The following RAB20 variants were observed in gnomAD, a reference collection of about 807,000 sequenced individuals.
RAB20 encodes the protein ras-related protein Rab-20.
A neutral mutation model predicts 3.7 loss-of-function variants in RAB20; 2 were observed. The observed-to-expected ratio is 0.54, with a 90% CI of 0.22 to 1.69. The LOEUF is 1.69. RAB20 is among the 40% of genes most tolerant of loss of function. The pLI is 0.19. For synonymous variants in RAB20, 126 were observed against 130.8 expected (o/e 0.96, Z 0.25); for missense variants, 276 against 311.9 (o/e 0.88, Z 0.87).
At chr13:110,558,082 G>A (rs1885069410) in intron 1 of RAB20, among the ~76,000 whole-genome samples, 1 of 152,264 alleles carries the variant, frequency 6.6e-6, no homozygotes, top group Non-Finnish European at 1.5e-5. Flanking sequence ...CCCGGCACCG[G>A]GGAGCCTCAG....
intron 1 of RAB20, among the ~76,000 whole-genome samples, chr13:110,540,982 G>A (rs960865491): frequency 6.6e-6 from 1 of 152,178 alleles, no homozygotes; most frequent in African/African-American, 2.4e-5. Flanking sequence ...TTACCTGGCT[G>A]TTGGGTTAAA....
chr13:110,537,188 G>A (rs182674541), intron 1 of RAB20, among the ~76,000 whole-genome samples: 1 of 151,578 alleles, frequency 6.6e-6, no homozygotes, highest in East Asian at 1.9e-4. Context: ...TACAGATGGG[G>A]TCTCACTATT....
At chr13:110,546,454 T>A (rs1884850339) in intron 1 of RAB20, among the ~76,000 whole-genome samples, 1 of 152,230 alleles carries the variant, frequency 6.6e-6, no homozygotes, top group African/African-American at 2.4e-5. Context: ...TTTCAAGTTA[T>A]GCCATGAGAT....
intron 1 of RAB20, among the ~76,000 whole-genome samples, chr13:110,524,839 C>T (rs1216363693): frequency 2.6e-5 from 4 of 152,224 alleles, no homozygotes; most frequent in South Asian, 2.1e-4. Context: ...TCCCCTCCCA[C>T]GCTGGAATCG....
intron 1 of RAB20, among the ~76,000 whole-genome samples, chr13:110,533,327 G>A (rs11619434): frequency 0.093 from 14,113 of 152,218 alleles, 726 homozygotes; most frequent in Non-Finnish European, 0.11. Flanking sequence ...CATCTCCACA[G>A]GCATGATCTA....
At chr13:110,554,846 T>C (rs1028081999) in intron 1 of RAB20, among the ~76,000 whole-genome samples, 1 of 152,124 alleles carries the variant, frequency 6.6e-6, no homozygotes, top group Non-Finnish European at 1.5e-5. Flanking sequence ...TCACGAGCCT[T>C]TCCTTGAAAA....
At chr13:110,551,943 T>G (rs1479580451) in intron 1 of RAB20, among the ~76,000 whole-genome samples, 1 of 131,974 alleles carries the variant, frequency 7.6e-6, no homozygotes, top group East Asian at 2.3e-4. Flanking sequence ...AATACAAAAA[T>G]TAGCTGGGTG....
chr13:110,525,065 CG>C (rs34134214), intron 1 of RAB20, among the ~76,000 whole-genome samples: 53,900 of 152,136 alleles, frequency 0.35, 10,045 homozygotes, highest in Middle Eastern at 0.44. Flanking sequence ...CTGGGTCTGG[CG>C]GGGAACAGGG....
intron 1 of RAB20, among the ~76,000 whole-genome samples, chr13:110,541,667 G>C (rs1288366856): frequency 2.6e-5 from 4 of 152,222 alleles, no homozygotes; most frequent in African/African-American, 9.7e-5. Flanking sequence ...CTCTGGGCCA[G>C]AGCCCTTCGC....
At chr13:110,553,159 G>T (rs1471183359) in intron 1 of RAB20, among the ~76,000 whole-genome samples, 1 of 152,252 alleles carries the variant, frequency 6.6e-6, no homozygotes, top group African/African-American at 2.4e-5. Context: ...GTCCTCAGTA[G>T]AGGTGACCAT....
At chr13:110,548,032 G>T (rs79797686) in intron 1 of RAB20, among the ~76,000 whole-genome samples, 1 of 152,132 alleles carries the variant, frequency 6.6e-6, no homozygotes, top group Non-Finnish European at 1.5e-5. Flanking sequence ...TCCTTATGCC[G>T]TCAAGGCTCT....
In RAB20 at chr13:110,546,722, TTTTGTTTG is replaced by T. The variant is rs146014154; in HGVS notation, c.172+14618_172+14625del. 5.6e-3 allele frequency among the ~76,000 whole-genome samples: 796 copies of T among 142,862 alleles called. 5 individuals carry two copies. Among genetic ancestry groups the T allele is most frequent in the African/African-American group, 0.016 (622 of 39,280 alleles). 93.7% of individuals were successfully genotyped at this position (142,862 alleles called of 152,430 possible). A position where few individuals can be genotyped will look rare whatever the true frequency, so the allele number is the denominator to read the frequency against. ...TCTGTTTTTTTTTGTTTTTTGGGTT[TTTTGTTTG>T]TTTGTTTGTTTGTTTGTTTGTTTTT... On this transcript the variant is annotated intron_variant, in intron 1 of 1. Transcript: ENST00000267328.
chr13:110,536,816 C>T (rs1172330198), intron 1 of RAB20, among the ~76,000 whole-genome samples: 4 of 140,140 alleles, frequency 2.9e-5, no homozygotes, highest in Non-Finnish European at 4.5e-5. Context: ...GTTCTAGGTA[C>T]ATGTGCACAA....
chr13:110,560,742 C>G (rs993602276), intron 1 of RAB20, among the ~76,000 whole-genome samples: 1 of 149,282 alleles, frequency 6.7e-6, no homozygotes, highest in Non-Finnish European at 1.5e-5. Context: ...CATTACCTAT[C>G]TTAAAAATGC....
intron 1 of RAB20, among the ~76,000 whole-genome samples, chr13:110,556,855 AATTT>A (rs1555336625): frequency 6.6e-6 from 1 of 152,212 alleles, no homozygotes; most frequent in Non-Finnish European, 1.5e-5. Context: ...TTAAGTAACT[AATTT>A]GTTATAGCAG....
Position 110,540,189 on chromosome 13 carries a change from G to A in RAB20, c.173-15992C>T, listed in dbSNP as rs116430538. 9.5e-3 allele frequency among the ~76,000 whole-genome samples: 1,448 copies of A among 152,304 alleles called. 26 individuals carry two copies. The highest frequency in any genetic ancestry group is 0.033 in the African/African-American group (1,382 of 41,570). On this transcript the variant is annotated intron_variant, in intron 1 of 1. Transcript: ENST00000267328. The stretch of plus-strand genomic sequence containing the variant: ...AACAGGCAAGTCCCAAAAAATACAC[G>A]TATATAACAGACTTAGCTTTAAAAC...
intron 1 of RAB20, among the ~76,000 whole-genome samples, chr13:110,536,986 G>GTTT (rs147636207): frequency 1.3e-4 from 14 of 109,562 alleles, no homozygotes; most frequent in Middle Eastern, 5.5e-3. Context: ...GTGTCCAAGT[G>GTTT]TTTTTTTTTG....
chr13:110,525,681 G>A (rs1263157515), intron 1 of RAB20, among the ~76,000 whole-genome samples: 1 of 152,252 alleles, frequency 6.6e-6, no homozygotes, highest in Non-Finnish European at 1.5e-5. Context: ...CACGCAGCAG[G>A]TGAGAGCCCC....
intron 1 of RAB20, among the ~76,000 whole-genome samples, chr13:110,556,522 T>A (rs778220020): frequency 6.6e-6 from 1 of 152,152 alleles, no homozygotes; most frequent in Admixed American, 6.5e-5. Flanking sequence ...AATATATCTA[T>A]GGTTTTAATT....
Sources: gnomAD v4.1 joint callset for allele counts (sites outside exome capture counted in the v4.1 genomes callset) on GRCh38, gnomAD v4.1.1 for gene constraint, MANE v1.5 for transcripts, NCBI Gene and HGNC (gene_info 2026-07-23, HGNC 2026-07-21) for gene names.